ASIC2: variants seen among roughly 807,000 people sequenced by gnomAD.
The protein encoded by ASIC2 is acid sensing ion channel subunit 2.
A neutral mutation model predicts 57.3 loss-of-function variants in ASIC2; 25 were observed. The ratio of observed to expected loss-of-function variants is 0.44; its 90% confidence interval spans 0.32 to 0.61. The LOEUF is 0.61. ASIC2 is among the 20% of genes least tolerant of loss of function. ASIC2 has a pLI of 0.06. For synonymous variants in ASIC2, 319 were observed against 307.5 expected (o/e 1.04, Z -0.39); for missense variants, 641 against 738.1 (o/e 0.87, Z 1.52).
intron 3 of ASIC2, among the ~76,000 whole-genome samples, chr17:33,051,551 C>T (rs1268650258): frequency 2.6e-5 from 4 of 152,188 alleles, no homozygotes; most frequent in Non-Finnish European, 5.9e-5. Flanking sequence ...TAGGCAAGCA[C>T]CTCATCTGGG....
At chr17:33,494,770 T>C (rs992858459) in intron 1 of ASIC2, among the ~76,000 whole-genome samples, 48 of 152,116 alleles carry the variant, frequency 3.2e-4, no homozygotes, top group African/African-American at 9.9e-4. Flanking sequence ...TCCGCTTTCT[T>C]TTGATGAAAC....
intron 1 of ASIC2, among the ~76,000 whole-genome samples, chr17:33,221,079 T>A (rs1461163606): frequency 2.6e-5 from 4 of 151,684 alleles, no homozygotes; most frequent in South Asian, 2.1e-4. Context: ...TCAAAAAAAA[T>A]AAAATAAAGT....
intron 1 of ASIC2, among the ~76,000 whole-genome samples, chr17:33,113,728 A>G (rs2092269551): frequency 6.6e-6 from 1 of 152,234 alleles, no homozygotes; most frequent in Admixed American, 6.5e-5. Context: ...TTTAACTCTT[A>G]CAACTGTGAC....
chr17:34,099,121 AG>A (rs1910665278), intron 1 of ASIC2, among the ~76,000 whole-genome samples: 2 of 27,966 alleles, frequency 7.2e-5, no homozygotes, highest in African/African-American at 2.5e-4. Context: ...AGAGAGAGAG[AG>A]AGAGAGAGAG....
chr17:33,689,882 C>A (rs1386508720), intron 1 of ASIC2, among the ~76,000 whole-genome samples: 5 of 152,178 alleles, frequency 3.3e-5, no homozygotes, highest in Non-Finnish European at 7.3e-5. Context: ...TGCTGACAAC[C>A]ACCAGAAGCT....
intron 1 of ASIC2, among the ~76,000 whole-genome samples, chr17:33,989,105 A>G (rs371987069): frequency 1.3e-5 from 2 of 152,090 alleles, no homozygotes; most frequent in Non-Finnish European, 2.9e-5. Context: ...AACAGAACCC[A>G]CATCTGTCTG....
intron 1 of ASIC2, among the ~76,000 whole-genome samples, chr17:33,153,233 G>A (rs1904872092): frequency 6.6e-6 from 1 of 152,228 alleles, no homozygotes; most frequent in Admixed American, 6.5e-5. Flanking sequence ...CCCAGTGTGG[G>A]GTTCTCCCCG....
chr17:33,162,074 A>G (rs1905179302), intron 1 of ASIC2, among the ~76,000 whole-genome samples: 1 of 151,998 alleles, frequency 6.6e-6, no homozygotes, highest in African/African-American at 2.4e-5. Context: ...GGTGCTGACC[A>G]CCTGACGTGA....
intron 1 of ASIC2, among the ~76,000 whole-genome samples, chr17:33,934,783 T>C (rs1916022168): frequency 6.6e-6 from 1 of 152,176 alleles, no homozygotes; most frequent in Admixed American, 6.5e-5. Context: ...CCCACATGGG[T>C]GCCCATACAT....
At chr17:33,458,310 T>G (rs1320687235) in intron 1 of ASIC2, among the ~76,000 whole-genome samples, 3 of 152,208 alleles carry the variant, frequency 2.0e-5, no homozygotes, top group African/African-American at 7.2e-5. Context: ...GATGAACTTG[T>G]GAGATGCAGC....
At chr17:33,849,478 A>C (rs1913705592) in intron 1 of ASIC2, among the ~76,000 whole-genome samples, 1 of 152,194 alleles carries the variant, frequency 6.6e-6, no homozygotes, top group Non-Finnish European at 1.5e-5. Context: ...ACCAGGATCC[A>C]AGCCTACGTT....
chr17:33,470,636 C>A (rs1913019034), intron 1 of ASIC2, among the ~76,000 whole-genome samples: 1 of 152,188 alleles, frequency 6.6e-6, no homozygotes, highest in African/African-American at 2.4e-5. Context: ...ACCTGCTCTT[C>A]AGTTCTTGCT....
chr17:33,329,408 C>T (rs1907213772), intron 1 of ASIC2, among the ~76,000 whole-genome samples: 1 of 152,162 alleles, frequency 6.6e-6, no homozygotes, highest in Admixed American at 6.5e-5. Flanking sequence ...ATGAGGATAG[C>T]AACCTGCAGG....
chr17:33,630,916 G>C (rs867018022), intron 1 of ASIC2, among the ~76,000 whole-genome samples: 2 of 152,292 alleles, frequency 1.3e-5, no homozygotes, highest in Middle Eastern at 6.8e-3. Flanking sequence ...ATTAAGGACT[G>C]ACATGCAAAG....
At chr17:33,737,074 A>G (rs1313482334) in intron 1 of ASIC2, among the ~76,000 whole-genome samples, 1 of 152,242 alleles carries the variant, frequency 6.6e-6, no homozygotes, top group Non-Finnish European at 1.5e-5. Context: ...CTATTCATCT[A>G]TTCCTGTATT....
intron 1 of ASIC2, among the ~76,000 whole-genome samples, chr17:33,416,020 A>G (rs564055000): frequency 1.3e-5 from 2 of 152,306 alleles, no homozygotes; most frequent in East Asian, 1.9e-4. Context: ...AGTTCATGCC[A>G]TTCTATCAGG....
chr17:33,530,069 C>T (rs17191701), intron 1 of ASIC2: 35,858 of 152,136 alleles, frequency 0.24, 4,886 homozygotes, highest in Non-Finnish European at 0.31. Flanking sequence ...GGCCATAAAG[C>T]GTTCCTTAGC....
intron 1 of ASIC2, among the ~76,000 whole-genome samples, chr17:34,114,928 G>T (rs1911383663): frequency 6.6e-6 from 1 of 152,160 alleles, no homozygotes; most frequent in Non-Finnish European, 1.5e-5. Flanking sequence ...GTATAGCCCA[G>T]GGCCATGTCT....
intron 1 of ASIC2, among the ~76,000 whole-genome samples, chr17:34,088,208 G>A (rs1910183279): frequency 6.6e-6 from 1 of 152,212 alleles, no homozygotes; most frequent in Non-Finnish European, 1.5e-5. Flanking sequence ...GTGATGTACA[G>A]ATGGGTTTTT....
Sources: allele counts gnomAD v4.1 joint callset (sites outside exome capture counted in the v4.1 genomes callset), GRCh38; gene constraint gnomAD v4.1.1; transcripts MANE v1.5; gene names NCBI Gene and HGNC (gene_info 2026-07-23, HGNC 2026-07-21).